NLGN1: variants seen among roughly 807,000 people sequenced by gnomAD.
NLGN1 encodes neuroligin 1.
Under a neutral mutation model 65.5 loss-of-function variants are expected in NLGN1, and 12 were observed. The ratio of observed to expected loss-of-function variants is 0.18; its 90% CI spans 0.12 to 0.30. The LOEUF (loss-of-function observed/expected upper bound fraction) is 0.30. NLGN1 is among the 10% of genes least tolerant of loss of function. The pLI, the probability that NLGN1 is intolerant of heterozygous loss-of-function variation, is 1.00. For missense variants in NLGN1, 750 were observed against 1,007.1 expected (o/e 0.74, Z 3.46); for synonymous variants, 350 against 359.5 (o/e 0.97, Z 0.30).
intron 3 of NLGN1, among the ~76,000 whole-genome samples, chr3:173,744,143 T>G (rs1578220171): frequency 6.6e-6 from 1 of 152,190 alleles, no homozygotes; most frequent in Admixed American, 6.6e-5. Context: ...TCCACTTTAG[T>G]TATGAAACCT....
chr3:173,715,178 A>C (rs1439842636), intron 3 of NLGN1, among the ~76,000 whole-genome samples: 4 of 152,156 alleles, frequency 2.6e-5, no homozygotes, highest in African/African-American at 9.6e-5. Context: ...ATGGGATTAC[A>C]GGTCTTGGCT....
chr3:174,159,436 T>G (rs1290304814), intron 4 of NLGN1, among the ~76,000 whole-genome samples: 4 of 151,750 alleles, frequency 2.6e-5, no homozygotes, highest in Non-Finnish European at 5.9e-5. Context: ...TCATATTATA[T>G]TCACTAAACC....
chr3:174,254,767 C>T (rs1043815040), intron 4 of NLGN1, among the ~76,000 whole-genome samples: 6 of 151,772 alleles, frequency 4.0e-5, no homozygotes, highest in Non-Finnish European at 1.5e-5. Context: ...GCATTTTTAA[C>T]TGCAAGAAAA....
At chr3:173,398,690 G>A (rs898497974) in intron 1 of NLGN1, among the ~76,000 whole-genome samples, 11 of 152,132 alleles carry the variant, frequency 7.2e-5, no homozygotes, top group African/African-American at 2.7e-4. Flanking sequence ...CATTTCCAGG[G>A]CCATAGTGAT....
chr3:174,244,306 T>G (rs909989969), intron 4 of NLGN1, among the ~76,000 whole-genome samples: 5 of 152,172 alleles, frequency 3.3e-5, no homozygotes, highest in Non-Finnish European at 5.9e-5. Context: ...TTGTGGGAAG[T>G]TTAAAAAGGT....
At chr3:173,890,353 C>T (rs1735103122) in intron 4 of NLGN1, among the ~76,000 whole-genome samples, 1 of 152,050 alleles carries the variant, frequency 6.6e-6, no homozygotes, top group Non-Finnish European at 1.5e-5. Context: ...CCTGGGTGAC[C>T]AACAGAATGC....
At chr3:174,228,032 CATATTGTT>C (rs1740045310) in intron 4 of NLGN1, among the ~76,000 whole-genome samples, 1 of 151,818 alleles carries the variant, frequency 6.6e-6, no homozygotes, top group African/African-American at 2.4e-5. Context: ...CATACTGAGA[CATATTGTT>C]ATTCGCTCAG....
At chr3:174,010,144 A>T (rs1725233393) in intron 4 of NLGN1, among the ~76,000 whole-genome samples, 1 of 152,200 alleles carries the variant, frequency 6.6e-6, no homozygotes, top group African/African-American at 2.4e-5. Flanking sequence ...GCTTTAAAAC[A>T]ATTATTCAAA....
chr3:173,696,331 CT>C (rs1161169309), intron 3 of NLGN1, among the ~76,000 whole-genome samples: 3 of 152,144 alleles, frequency 2.0e-5, no homozygotes, highest in African/African-American at 7.2e-5. Flanking sequence ...TACCTTAGCA[CT>C]CTAACTTCTC....
At chr3:173,873,744 C>CA (rs1229655892) in intron 4 of NLGN1, among the ~76,000 whole-genome samples, 2 of 152,154 alleles carry the variant, frequency 1.3e-5, no homozygotes, top group Non-Finnish European at 2.9e-5. Flanking sequence ...GGTATTCCTT[C>CA]AGCTGCACAG....
At chr3:173,423,835 T>C (rs1715586512) in intron 1 of NLGN1, among the ~76,000 whole-genome samples, 1 of 152,124 alleles carries the variant, frequency 6.6e-6, no homozygotes, top group African/African-American at 2.4e-5. Flanking sequence ...TTCTCACAGC[T>C]CCACTAGGCA....
intron 4 of NLGN1, among the ~76,000 whole-genome samples, chr3:173,921,410 G>A (rs1742003942): frequency 6.6e-6 from 1 of 150,550 alleles, no homozygotes; most frequent in Non-Finnish European, 1.5e-5. Flanking sequence ...TTCATACAAG[G>A]AATGCATTTA....
intron 3 of NLGN1, among the ~76,000 whole-genome samples, chr3:173,729,764 G>A (rs1196196071): frequency 6.6e-6 from 1 of 152,022 alleles, no homozygotes; most frequent in Non-Finnish European, 1.5e-5. Flanking sequence ...ATTGTCAAAT[G>A]TCCAGGTCAC....
chr3:174,246,766 G>A (rs1284588401), intron 4 of NLGN1, among the ~76,000 whole-genome samples: 2 of 151,802 alleles, frequency 1.3e-5, no homozygotes, highest in South Asian at 2.1e-4. Flanking sequence ...AAGCTTAGAG[G>A]AAATACACTC....
chr3:174,146,093 TTTCCTTCCTTCC>T (rs35623695), intron 4 of NLGN1, among the ~76,000 whole-genome samples: 4,321 of 125,124 alleles, frequency 0.035, 202 homozygotes, highest in African/African-American at 0.11. Flanking sequence ...ATTCTACTCT[TTTCCTTCCTTCC>T]TTCCTTCCTT....
chr3:173,915,628 C>T (rs6762965), intron 4 of NLGN1, among the ~76,000 whole-genome samples: 6,522 of 152,162 alleles, frequency 0.043, 479 homozygotes, highest in African/African-American at 0.15. Context: ...TCGTGAAGAA[C>T]GCCGATTTTA....
chr3:173,867,802 TG>T (rs1730460906), intron 4 of NLGN1, among the ~76,000 whole-genome samples: 1 of 152,022 alleles, frequency 6.6e-6, no homozygotes, highest in Non-Finnish European at 1.5e-5. Flanking sequence ...TGTGATAGGT[TG>T]GGAAGTTTAA....
At chr3:173,741,314 A>C (rs73880564) in intron 3 of NLGN1, among the ~76,000 whole-genome samples, 12,915 of 152,128 alleles carry the variant, frequency 0.085, 518 homozygotes, top group Middle Eastern at 0.13. Flanking sequence ...CAGGGCCATC[A>C]TAGAAAAATT....
At chr3:173,952,325 AG>A in intron 4 of NLGN1, among the ~76,000 whole-genome samples, 1 of 152,332 alleles carries the variant, frequency 6.6e-6, no homozygotes, top group Non-Finnish European at 1.5e-5. Context: ...TGGAGCTGCT[AG>A]CAGTCTTGTT....
Sources: allele counts gnomAD v4.1 joint callset (sites outside exome capture counted in the v4.1 genomes callset), GRCh38; gene constraint gnomAD v4.1.1; transcripts MANE v1.5; gene names NCBI Gene and HGNC (gene_info 2026-07-23, HGNC 2026-07-21).